Variants in SLC35E4 observed in about 807,000 individuals in gnomAD.
SLC35E4 encodes solute carrier family 35 member E4, also known as solute carrier family 35, member E4.
In SLC35E4, 15 loss-of-function variants were observed where a neutral mutation model predicts 19.3. The observed-to-expected ratio is 0.78, with a 90% CI of 0.52 to 1.20. The LOEUF is 1.20. SLC35E4 is among the 50% of genes most tolerant of loss of function. SLC35E4 has a pLI of 0.00. For missense variants in SLC35E4, 406 were observed against 472.3 expected, an observed-to-expected ratio of 0.86 and a Z score of 1.30; for synonymous variants, 219 against 219.9, an observed-to-expected ratio of 1.00 and a Z score of 0.04.
chr22:30,636,212 G>A lies in SLC35E4; in HGVS notation c.-239G>A, dbSNP rs1569054397. Reference sequence around the variant, plus strand: ...GCCTGGAGCCCACGCTTGAGCATCGGAGACCCTGGCATCCTAGCAGCCGCG... The same window carrying A: ...GCCTGGAGCCCACGCTTGAGCATCGAAGACCCTGGCATCCTAGCAGCCGCG... On this transcript the variant is annotated 5_prime_UTR_variant, in exon 1 of 2. Coordinates refer to ENST00000343605, the MANE Select transcript of SLC35E4 (RefSeq NM_001001479.4). 7 of 522,830 alleles carry A rather than the reference G, an allele frequency of 1.3e-5. No homozygotes were observed. The highest frequency in any genetic ancestry group is 2.0e-5 in the Non-Finnish European group (6 of 306,344). The allele number at this position is 522,830 out of a possible 1,614,324, so 32.4% of individuals were successfully genotyped here.
chr22:30,657,132 A>G (rs887565006), intron 2 of SLC35E4, among the ~76,000 whole-genome samples: 1 of 152,098 alleles, frequency 6.6e-6, no homozygotes, highest in Non-Finnish European at 1.5e-5. Context: ...TCTACGAATA[A>G]GCATGTAAGA....
At chr22:30,660,488 A>G (rs1426709425) in intron 2 of SLC35E4, among the ~76,000 whole-genome samples, 1 of 152,176 alleles carries the variant, frequency 6.6e-6, no homozygotes, top group African/African-American at 2.4e-5. Context: ...AAATTTTTTA[A>G]AAAATGAATA....
Position 30,660,514 on chromosome 22 carries a change from G to A in SLC35E4, c.*9-1546G>A, listed in dbSNP as rs533930299. Among the ~76,000 whole-genome samples the A allele has an allele frequency of 5.9e-5, 9 of 152,140 alleles. No individual in the cohort carries two copies. The South Asian group carries it at 1.0e-3, about 18-fold the overall frequency. On this transcript the variant is annotated intron_variant, in intron 2 of 2. Transcript: ENST00000406566. ...AAAATGAATAGTCTCAGGAATTCAC[G>A]GACAATGTCAAAAGCTCTAACATTC...
chr22:30,655,319 T>C (rs1448465740), intron 2 of SLC35E4, among the ~76,000 whole-genome samples: 1 of 143,322 alleles, frequency 7.0e-6, no homozygotes, highest in Non-Finnish European at 1.5e-5. Flanking sequence ...TAGCCAAGTA[T>C]GGTGGTGCAC....
chr22:30,643,764 C>G (rs896356187), intron 1 of SLC35E4, among the ~76,000 whole-genome samples: 1 of 152,138 alleles, frequency 6.6e-6, no homozygotes, highest in East Asian at 1.9e-4. Context: ...GCAAAAGGGC[C>G]AAGCCAATAG....
intron 1 of SLC35E4, among the ~76,000 whole-genome samples, chr22:30,637,817 T>C (rs748809849): frequency 6.6e-6 from 1 of 152,298 alleles, no homozygotes; most frequent in Non-Finnish European, 1.5e-5. Context: ...TCAGACTCCA[T>C]GCTTCCAAGA....
chr22:30,642,437 G>A (rs530253625), intron 1 of SLC35E4, among the ~76,000 whole-genome samples: 75 of 152,234 alleles, frequency 4.9e-4, no homozygotes, highest in Non-Finnish European at 9.0e-4. Context: ...GGGAGCAGAG[G>A]GCAAGTATCC....
At chr22:30,646,531 G>A in intron 1 of SLC35E4, 67 bp from the exon 2 acceptor site, 1 of 1,532,028 alleles carries the variant, frequency 6.5e-7, no homozygotes, top group Non-Finnish European at 8.8e-7. Context: ...CGGCCATAGG[G>A]GTCATACTGG....
downstream of SLC35E4, among the ~76,000 whole-genome samples, chr22:30,648,325 A>G (rs1401594241): frequency 6.6e-6 from 1 of 152,122 alleles, no homozygotes; most frequent in Non-Finnish European, 1.5e-5. Flanking sequence ...CCGTGATACC[A>G]GGCCTGCTCA....
intron 1 of SLC35E4, among the ~76,000 whole-genome samples, chr22:30,641,907 G>T (rs1405728132): frequency 6.6e-6 from 1 of 151,978 alleles, no homozygotes; most frequent in Non-Finnish European, 1.5e-5. Context: ...GACTGGTTGG[G>T]CTGCCTGATT....
At chr22:30,659,146 A>G (rs946634868) in intron 2 of SLC35E4, among the ~76,000 whole-genome samples, 1 of 146,080 alleles carries the variant, frequency 6.8e-6, no homozygotes, top group African/African-American at 2.6e-5. Flanking sequence ...AAAAAAAAAA[A>G]GAAGAAACTG....
At chr22:30,641,718 ATTTTTTTTTTTTTTT>A (rs56070783) in intron 1 of SLC35E4, among the ~76,000 whole-genome samples, 1 of 108,948 alleles carries the variant, frequency 9.2e-6, no homozygotes, top group East Asian at 2.5e-4. Context: ...CTAATTTTTA[ATTTTTTTTTTTTTTT>A]TTTTTTTTTT....
intron 1 of SLC35E4, among the ~76,000 whole-genome samples, chr22:30,644,385 G>A (rs751141312): frequency 3.9e-5 from 6 of 152,262 alleles, no homozygotes; most frequent in East Asian, 1.9e-4. Flanking sequence ...GACCTGTGTC[G>A]ACTACTCATC....
chr22:30,641,738 TTTTTTTTA>T (rs2088043668), intron 1 of SLC35E4, among the ~76,000 whole-genome samples: 1 of 148,310 alleles, frequency 6.7e-6, no homozygotes. Flanking sequence ...TTTTTTTTTT[TTTTTTTTA>T]GAAACAGGCT....
intron 1 of SLC35E4, among the ~76,000 whole-genome samples, 153 bp downstream of exon 1, chr22:30,637,222 G>A (rs2087966893): frequency 1.3e-5 from 2 of 152,216 alleles, no homozygotes; most frequent in African/African-American, 4.8e-5. Flanking sequence ...CTCAGAGAGG[G>A]CCAACAGTTC....
intron 2 of SLC35E4, chr22:30,654,618 G>T: frequency 2.2e-6 from 1 of 462,862 alleles, no homozygotes. Context: ...AGTGGTAGGT[G>T]CCTCGGGAAG....
At chr22:30,666,499 G>A (rs145102454), downstream of SLC35E4, among the ~76,000 whole-genome samples, 372 of 152,070 alleles carry the variant, frequency 2.4e-3, 7 homozygotes, top group African/African-American at 8.7e-3. Context: ...GCATGGGCCT[G>A]TAGTCCCAGC....
At chr22:30,638,538 G>T (rs1056113133) in intron 1 of SLC35E4, among the ~76,000 whole-genome samples, 1 of 147,212 alleles carries the variant, frequency 6.8e-6, no homozygotes, top group Non-Finnish European at 1.5e-5. Context: ...TGGGCCAGGC[G>T]CAGTGGCTCA....
chr22:30,662,923 T>C (rs894644226), exon 3 of SLC35E4: 1 of 154,692 alleles, frequency 6.5e-6, no homozygotes, highest in Non-Finnish European at 1.4e-5. Flanking sequence ...GGGCCACTTA[T>C]AGTGAAGGTG....
Sources: allele counts gnomAD v4.1 joint callset (sites outside exome capture counted in the v4.1 genomes callset), GRCh38; gene constraint gnomAD v4.1.1; transcripts MANE v1.5; gene names NCBI Gene and HGNC (gene_info 2026-07-23, HGNC 2026-07-21).